Variants in PALM2AKAP2 observed in about 807,000 individuals in gnomAD.
PALM2AKAP2 encodes the protein PALM2-AKAP2 fusion protein.
Under a neutral mutation model 71.5 loss-of-function variants are expected in PALM2AKAP2, and 37 were observed. That is an observed-to-expected ratio of 0.52 (90% CI 0.40 to 0.68). The LOEUF (loss-of-function observed/expected upper bound fraction) is 0.68, where lower values mean the gene tolerates loss of function less well. PALM2AKAP2 is among the 30% of genes least tolerant of loss of function. The probability of loss-of-function intolerance (pLI) is 0.00; values close to 1 mark genes in which losing one functional copy is unlikely to be tolerated. For missense variants in PALM2AKAP2, 1,224 were observed against 1,191.8 expected (o/e 1.03, Z -0.40); for synonymous variants, 468 against 478.8 (o/e 0.98, Z 0.29).
chr9:109,753,860 C>T (rs989422089), intron 1 of PALM2AKAP2, among the ~76,000 whole-genome samples: 3 of 151,908 alleles, frequency 2.0e-5, no homozygotes, highest in African/African-American at 7.3e-5. Context: ...CTACATTTTT[C>T]GGATTTCAAA....
chr9:109,687,922 C>T (rs557936621), intron 1 of PALM2AKAP2, among the ~76,000 whole-genome samples: 4 of 152,296 alleles, frequency 2.6e-5, no homozygotes, highest in African/African-American at 9.6e-5. Flanking sequence ...GTTTTCAAAA[C>T]TGCTGTGTCT....
At chr9:109,977,442 G>A (rs560418739) in intron 6 of PALM2AKAP2, among the ~76,000 whole-genome samples, 1 of 152,094 alleles carries the variant, frequency 6.6e-6, no homozygotes, top group South Asian at 2.1e-4. Flanking sequence ...GCAGAATTAG[G>A]CAGCCCATGT....
chr9:109,990,001 A>G (rs1359877), intron 6 of PALM2AKAP2, among the ~76,000 whole-genome samples: 5,470 of 152,196 alleles, frequency 0.036, 313 homozygotes, highest in African/African-American at 0.12. Flanking sequence ...AATTTCGGGA[A>G]TAACAAACTC....
At chr9:109,858,168 G>C (rs1829218460) in intron 1 of PALM2AKAP2, among the ~76,000 whole-genome samples, 1 of 152,164 alleles carries the variant, frequency 6.6e-6, no homozygotes, top group Non-Finnish European at 1.5e-5. Context: ...CCAATTGTTT[G>C]ATGCTTACTA....
chr9:109,647,244 C>A (rs76490277), intron 1 of PALM2AKAP2, among the ~76,000 whole-genome samples: 14,737 of 152,186 alleles, frequency 0.097, 842 homozygotes, highest in South Asian at 0.2. Flanking sequence ...GTATGTCAGC[C>A]TGTGTAGCTC....
chr9:109,898,234 C>T (rs998767931), intron 3 of PALM2AKAP2, among the ~76,000 whole-genome samples: 9 of 152,178 alleles, frequency 5.9e-5, no homozygotes, highest in African/African-American at 1.9e-4. Flanking sequence ...GTACTCTGCG[C>T]ACCTGCCCCA....
In PALM2AKAP2 at chr9:110,070,492, G is replaced by C. The variant is rs907707779; in HGVS notation, c.156+21637G>C. 3.9e-5 allele frequency among the ~76,000 whole-genome samples: 6 copies of C among 152,044 alleles called. No individual in the cohort carries two copies. The East Asian group carries it at 1.2e-3, about 29-fold the overall frequency. ...TGTGATTATTCAAATTTTAGAAAAT[G>C]AAAAAAGAGCCTCACCAATTCTTTC... On this transcript the variant is annotated intron_variant, in intron 1 of 3. Transcript: ENST00000374525.
intron 7 of PALM2AKAP2, among the ~76,000 whole-genome samples, chr9:110,034,309 C>T (rs1396452660): frequency 6.6e-6 from 1 of 152,162 alleles, no homozygotes; most frequent in Non-Finnish European, 1.5e-5. Flanking sequence ...CAGGCATGTG[C>T]CACCACGCCC....
At chr9:110,138,436 A>G (rs560571546) in exon 2 of PALM2AKAP2, 2 of 1,614,216 alleles carry the variant, frequency 1.2e-6, no homozygotes, top group East Asian at 4.5e-5. Flanking sequence ...AGGAAAGGGA[A>G]GAGGAGCTGA....
intron 1 of PALM2AKAP2, among the ~76,000 whole-genome samples, chr9:109,849,469 T>C (rs2004426): frequency 0.76 from 116,287 of 152,168 alleles, 45,117 homozygotes; most frequent in East Asian, 0.92. Context: ...AAACCAGGGC[T>C]GGGCGCGGTA....
chr9:109,772,863 A>G (rs191618655), intron 1 of PALM2AKAP2, among the ~76,000 whole-genome samples: 6 of 152,342 alleles, frequency 3.9e-5, no homozygotes, highest in East Asian at 3.9e-4. Context: ...TCATGCCTGT[A>G]ATCCCAGCAC....
chr9:109,982,831 G>A lies in PALM2AKAP2; in HGVS notation c.497-33123G>A, dbSNP rs138765789. On this transcript the variant is annotated intron_variant, in intron 6 of 9. Transcript: ENST00000302798. ...AGAGATGGGGTCTCACTATGGTTGC[G>A]TAGGTTGGTCTTGAACTCCTGATCT... is the stretch of plus-strand genomic sequence containing the variant. Among the ~76,000 whole-genome samples the A allele has an allele frequency of 3.5e-3, 537 of 152,204 alleles. 4 individuals carry two copies. The highest frequency in any genetic ancestry group is 0.012 in the African/African-American group (496 of 41,522).
rs936213069 is a variant in PALM2AKAP2 at position 109,656,739 on chromosome 9, T to C, written c.5+15873T>C. Among the ~76,000 whole-genome samples the C allele has an allele frequency of 3.9e-5, 6 of 152,176 alleles. No individual in the cohort carries two copies. The South Asian group carries it at 1.0e-3, about 26-fold the overall frequency. ...TGCAGGTGAGAACTGAAGGGTGTGA[T>C]TGATGGCTGTGCCAGTCCGGATGGT... is the stretch of plus-strand genomic sequence containing the variant. On this transcript the variant is annotated intron_variant, in intron 1 of 6. Transcript: ENST00000374531.
chr9:109,868,586 C>T (rs1829522135), intron 2 of PALM2AKAP2, among the ~76,000 whole-genome samples: 1 of 152,092 alleles, frequency 6.6e-6, no homozygotes, highest in African/African-American at 2.4e-5. Flanking sequence ...CTGTCCTTTT[C>T]TAGAAAACAG....
intron 1 of PALM2AKAP2, among the ~76,000 whole-genome samples, chr9:110,112,525 C>A (rs532035125): frequency 6.6e-6 from 1 of 152,346 alleles, no homozygotes; most frequent in South Asian, 2.1e-4. Flanking sequence ...TCATCCATAT[C>A]ATCTATATTT....
At chr9:110,000,708 A>T (rs1832666419) in intron 6 of PALM2AKAP2, among the ~76,000 whole-genome samples, 1 of 152,168 alleles carries the variant, frequency 6.6e-6, no homozygotes. Flanking sequence ...CCCCATTCTA[A>T]CTGGTGTGAG....
intron 1 of PALM2AKAP2, among the ~76,000 whole-genome samples, chr9:109,745,574 G>A (rs951273705): frequency 4.6e-5 from 7 of 151,874 alleles, no homozygotes; most frequent in African/African-American, 1.7e-4. Flanking sequence ...CTGTCTTGTC[G>A]TGTCCTGTTT....
upstream of PALM2AKAP2, among the ~76,000 whole-genome samples, chr9:109,775,257 T>C (rs995998704): frequency 4.6e-5 from 7 of 152,232 alleles, no homozygotes; most frequent in Non-Finnish European, 7.3e-5. Context: ...CAGTGAAATA[T>C]TGATATTCAT....
intron 1 of PALM2AKAP2, among the ~76,000 whole-genome samples, chr9:109,707,076 G>C (rs1192799209): frequency 6.6e-6 from 1 of 152,198 alleles, no homozygotes. Flanking sequence ...AAGTTATTAA[G>C]AATCAGCTTA....
Sources: gnomAD v4.1 joint callset for allele counts (sites outside exome capture counted in the v4.1 genomes callset) on GRCh38, gnomAD v4.1.1 for gene constraint, MANE v1.5 for transcripts, NCBI Gene and HGNC (gene_info 2026-07-23, HGNC 2026-07-21) for gene names.